The following MTREX variants were observed in gnomAD, a reference collection of about 807,000 sequenced individuals.
MTREX encodes Mtr4 exosome RNA helicase.
In MTREX, 76 loss-of-function variants were observed where a neutral mutation model predicts 135.4. That is an observed-to-expected ratio of 0.56 (90% CI 0.47 to 0.68). The LOEUF is 0.68. Ranked by LOEUF, MTREX falls within the 30% of genes least tolerant of loss-of-function variation. The probability of loss-of-function intolerance (pLI) is 0.00; values close to 1 mark genes in which losing one functional copy is unlikely to be tolerated. For synonymous variants in MTREX, 404 were observed against 401.6 expected, an observed-to-expected ratio of 1.01 and a Z score of -0.07; for missense variants, 920 against 1,262.1, an observed-to-expected ratio of 0.73 and a Z score of 4.11.
At chr5:55,330,126 TG>T (rs569778269) in intron 5 of MTREX, among the ~76,000 whole-genome samples, 4 of 152,034 alleles carry the variant, frequency 2.6e-5, no homozygotes, top group Non-Finnish European at 5.9e-5. Flanking sequence ...TCGCCCAGGT[TG>T]GAGTGCAGTG....
chr5:55,353,493 A>G (rs1459007894), intron 14 of MTREX, among the ~76,000 whole-genome samples: 2 of 152,150 alleles, frequency 1.3e-5, no homozygotes, highest in Non-Finnish European at 2.9e-5. Context: ...ATTTAAGGCC[A>G]GGAGTTTGAG....
chr5:55,374,355 A>G (rs1750259886), intron 16 of MTREX, among the ~76,000 whole-genome samples: 1 of 151,066 alleles, frequency 6.6e-6, no homozygotes, highest in Non-Finnish European at 1.5e-5. Flanking sequence ...TGGCAAAATC[A>G]TAGCTCACTG....
intron 25 of MTREX, among the ~76,000 whole-genome samples, chr5:55,418,768 T>G (rs1461718897): frequency 6.6e-6 from 1 of 152,158 alleles, no homozygotes; most frequent in African/African-American, 2.4e-5. Flanking sequence ...AGTATTTCTC[T>G]CTTTTGTTTT....
chr5:55,414,245 T>C lies in MTREX; in HGVS notation c.2808+7T>C. ...ACCACTTCGTCAAATGCAGGTAAGGTTTTTTTTTTTTTTTTTTGAACTACA... is the reference window on the plus strand; with the variant it reads ...ACCACTTCGTCAAATGCAGGTAAGGCTTTTTTTTTTTTTTTTTGAACTACA... On this transcript the variant is annotated splice_region_variant and intron_variant, in intron 24 of 26. Transcript: ENST00000230640. The C allele has an allele frequency of 9.7e-6, 3 of 309,362 alleles. No individual in the cohort carries two copies. Among genetic ancestry groups the C allele is most frequent in the African/African-American group, 4.8e-5 (1 of 20,660 alleles). The allele number at this position is 309,362 out of a possible 1,614,324, so 19.2% of individuals were successfully genotyped here.
chr5:55,328,170 AAATTTTTAAGGTTTAATTTTCCAAGT>A (rs1749413733), intron 4 of MTREX, among the ~76,000 whole-genome samples: 1 of 152,174 alleles, frequency 6.6e-6, no homozygotes, highest in Non-Finnish European at 1.5e-5. Flanking sequence ...AAAGGCCAAG[AAATTTTTAAGGTTTAATTTTCCAAGT>A]AATTTTCTTA....
At chr5:55,356,255 A>G (rs561633327) in intron 14 of MTREX, 5 of 153,312 alleles carry the variant, frequency 3.3e-5, no homozygotes, top group Admixed American at 1.3e-4. Context: ...TGGTACAGCA[A>G]TGAATGGCCA....
chr5:55,393,068 C>A (rs1750595677), intron 19 of MTREX, among the ~76,000 whole-genome samples: 1 of 152,146 alleles, frequency 6.6e-6, no homozygotes, highest in African/African-American at 2.4e-5. Context: ...TATTCTCTCC[C>A]CTCCAGTGGC....
Position 55,393,671 on chromosome 5 carries a change from G to A in MTREX, c.2182-3745G>A, listed in dbSNP as rs560156330. Among the ~76,000 whole-genome samples the A allele has an allele frequency of 5.8e-4, 88 of 152,318 alleles. 1 individual carries two copies. The highest frequency in any genetic ancestry group is 2.0e-3 in the African/African-American group (85 of 41,570). On this transcript the variant is annotated intron_variant, in intron 19 of 26. Transcript: ENST00000230640. ...CTTCCTGTTATTGGTATTCTAGCAA[G>A]TTTCCACTGATTGCTCACATGGTTA...
At chr5:55,350,472 G>A (rs1749808285) in intron 12 of MTREX, among the ~76,000 whole-genome samples, 1 of 152,150 alleles carries the variant, frequency 6.6e-6, no homozygotes, top group Admixed American at 6.5e-5. Flanking sequence ...GTATTTAATG[G>A]CGTTTGATAG....
chr5:55,319,758 A>G (rs192214417), intron 1 of MTREX, among the ~76,000 whole-genome samples: 8 of 152,330 alleles, frequency 5.3e-5, no homozygotes, highest in Admixed American at 1.3e-4. Flanking sequence ...GAAATAAATA[A>G]TTAGAGTCCT....
chr5:55,378,543 T>G, intron 17 of MTREX, 57 bp downstream of exon 17: 1 of 1,497,256 alleles, frequency 6.7e-7, no homozygotes, highest in South Asian at 1.3e-5. Context: ...AACATATTTT[T>G]GTTAAAGATT....
chr5:55,384,576 C>T (rs1344058345), intron 18 of MTREX, among the ~76,000 whole-genome samples: 2 of 152,154 alleles, frequency 1.3e-5, no homozygotes, highest in Non-Finnish European at 2.9e-5. Context: ...TGTTTCTTTG[C>T]ATGTCTCTTT....
At chr5:55,321,596 A>G (rs1350456876) in intron 1 of MTREX, among the ~76,000 whole-genome samples, 2 of 150,840 alleles carry the variant, frequency 1.3e-5, no homozygotes, top group East Asian at 3.9e-4. Context: ...CAGTGTACCA[A>G]ACATCTATTT....
At chr5:55,359,048 A>C (rs1749966480) in intron 15 of MTREX, among the ~76,000 whole-genome samples, 2 of 152,204 alleles carry the variant, frequency 1.3e-5, no homozygotes, top group Admixed American at 6.5e-5. Flanking sequence ...TTCTACTGAT[A>C]ATCAAGTGTT....
intron 15 of MTREX, among the ~76,000 whole-genome samples, chr5:55,365,239 A>G (rs1017534282): frequency 6.6e-6 from 1 of 152,212 alleles, no homozygotes; most frequent in Non-Finnish European, 1.5e-5. Flanking sequence ...AAAATTATAA[A>G]GTAGATGAAG....
At chr5:55,388,639 A>G (rs1353943754) in intron 19 of MTREX, among the ~76,000 whole-genome samples, 1 of 152,220 alleles carries the variant, frequency 6.6e-6, no homozygotes, top group African/African-American at 2.4e-5. Flanking sequence ...AAGGTAAACT[A>G]CACCAAGTTA....
chr5:55,389,325 T>C (rs1750527703), intron 19 of MTREX, among the ~76,000 whole-genome samples: 1 of 152,226 alleles, frequency 6.6e-6, no homozygotes, highest in Non-Finnish European at 1.5e-5. Context: ...CCCTTTCTCA[T>C]GGCAGACATT....
At chr5:55,377,296 TAGCCTGGGC>T (rs1217134873) in intron 16 of MTREX, among the ~76,000 whole-genome samples, 2 of 151,922 alleles carry the variant, frequency 1.3e-5, no homozygotes, top group Admixed American at 6.6e-5. Context: ...CACTGCACTC[TAGCCTGGGC>T]GACAGAGCGA....
At chr5:55,377,195 C>T (rs995388325) in intron 16 of MTREX, among the ~76,000 whole-genome samples, 5 of 151,964 alleles carry the variant, frequency 3.3e-5, no homozygotes, top group African/African-American at 1.2e-4. Context: ...GGCATGGTAG[C>T]GGGCGCCTGT....
Sources: allele counts gnomAD v4.1 joint callset (sites outside exome capture counted in the v4.1 genomes callset), GRCh38; gene constraint gnomAD v4.1.1; transcripts MANE v1.5; gene names NCBI Gene and HGNC (gene_info 2026-07-23, HGNC 2026-07-21).